GREB1L: variants seen among roughly 807,000 people sequenced by gnomAD.
GREB1L encodes the protein GREB1 like retinoic acid receptor coactivator, also known as GREB1-like protein.
GREB1L carries 17 observed loss-of-function variants against 200.8 expected under a neutral mutation model. The observed-to-expected ratio is 0.08, with a 90% CI of 0.06 to 0.13. The LOEUF (loss-of-function observed/expected upper bound fraction) is 0.13. Among genes scored for constraint, GREB1L ranks in the 10% least tolerant of loss-of-function variants. GREB1L has a pLI of 1.00. For synonymous variants in GREB1L, 789 were observed against 893.0 expected (o/e 0.88, Z 2.08); for missense variants, 1,657 against 2,367.7 (o/e 0.70, Z 6.23).
At chr18:21,286,304 G>T (rs1329715085) in intron 1 of GREB1L, among the ~76,000 whole-genome samples, 1 of 152,138 alleles carries the variant, frequency 6.6e-6, no homozygotes, top group East Asian at 1.9e-4. Flanking sequence ...GGGGTAACAG[G>T]AGATGATTAT....
intron 27 of GREB1L, among the ~76,000 whole-genome samples, chr18:21,510,549 C>G (rs1342438868): frequency 6.6e-6 from 1 of 152,180 alleles, no homozygotes; most frequent in African/African-American, 2.4e-5. Context: ...GAATAATATT[C>G]CATTTTATGT....
At chr18:21,450,811 C>A in intron 12 of GREB1L, 1 of 463,636 alleles carries the variant, frequency 2.2e-6, no homozygotes, top group Non-Finnish European at 3.8e-6. Context: ...CCCTGATCAT[C>A]TGTATTATAA....
intron 23 of GREB1L, among the ~76,000 whole-genome samples, chr18:21,502,405 T>C (rs2036836073): frequency 6.6e-6 from 1 of 152,132 alleles, no homozygotes; most frequent in Admixed American, 6.5e-5. Flanking sequence ...GAGTCTGGAA[T>C]AGGGAAAGCC....
intron 6 of GREB1L, among the ~76,000 whole-genome samples, chr18:21,401,656 A>G (rs984775472): frequency 1.3e-5 from 2 of 151,934 alleles, no homozygotes; most frequent in African/African-American, 4.8e-5. Flanking sequence ...TGCCGTTTTT[A>G]CTCTATTTAA....
intron 7 of GREB1L, among the ~76,000 whole-genome samples, chr18:21,415,917 C>A (rs1251639447): frequency 1.3e-5 from 2 of 152,022 alleles, no homozygotes; most frequent in Non-Finnish European, 2.9e-5. Context: ...CACTCAGCAC[C>A]CAACTAGATA....
chr18:21,524,938 A>G lies in GREB1L; in HGVS notation c.*2117A>G, dbSNP rs1421463668. The G allele has an allele frequency of 6.6e-6, 1 of 151,698 alleles. No individual in the cohort carries two copies. Among genetic ancestry groups the G allele is most frequent in the Admixed American group, 6.6e-5 (1 of 15,216 alleles). 9.4% of individuals were successfully genotyped at this position (151,698 alleles called of 1,614,324 possible). A position where few individuals can be genotyped will look rare whatever the true frequency, so the allele number is the denominator to read the frequency against. ...GATCTTTTAAAATCATCTTATCATC[A>G]GTATAATTCTTGAGTATGTTAGGTC... On this transcript the variant is annotated 3_prime_UTR_variant, in exon 33 of 33. Transcript: ENST00000424526.
rs2037673595 is a variant in GREB1L, at chr18:21,525,660, G to GTGT, written c.*2841_*2843dup. Among the ~76,000 whole-genome samples, 5 of 152,160 alleles carry GTGT rather than the reference G, an allele frequency of 3.3e-5. No individual in the cohort carries two copies. Among genetic ancestry groups the GTGT allele is most frequent in the Admixed American group, 2.6e-4 (4 of 15,278 alleles). ...TTTGGGTTGCTAAAACTAATACAAGGTGTTTGTTATTGTTAATCTCCAGTT... is the reference window on the plus strand; with the variant it reads ...TTTGGGTTGCTAAAACTAATACAAGGTGTTGTTTGTTATTGTTAATCTCCAGTT... On this transcript the variant is annotated 3_prime_UTR_variant, in exon 33 of 33. Transcript: ENST00000424526.
chr18:21,253,583 G>A (rs1387716706), intron 1 of GREB1L, among the ~76,000 whole-genome samples: 2 of 151,972 alleles, frequency 1.3e-5, no homozygotes, highest in Admixed American at 6.6e-5. Context: ...TTCAAAAACC[G>A]AATATACCAC....
At chr18:21,386,713 G>A (rs2040557464) in intron 4 of GREB1L, among the ~76,000 whole-genome samples, 1 of 147,884 alleles carries the variant, frequency 6.8e-6, no homozygotes, top group Non-Finnish European at 1.5e-5. Flanking sequence ...CACCGTGTTA[G>A]CCAGGATGGT....
chr18:21,358,188 A>AT (rs928287387), intron 1 of GREB1L, among the ~76,000 whole-genome samples: 10 of 150,800 alleles, frequency 6.6e-5, no homozygotes, highest in East Asian at 3.9e-4. Context: ...GTATTCCTAA[A>AT]TTTTTTTTTT....
intron 15 of GREB1L, among the ~76,000 whole-genome samples, chr18:21,456,927 C>A (rs1467263512): frequency 6.6e-6 from 1 of 151,970 alleles, no homozygotes; most frequent in Non-Finnish European, 1.5e-5. Flanking sequence ...GAGGAAGGGC[C>A]TTGTCTTTTA....
intron 21 of GREB1L, among the ~76,000 whole-genome samples, chr18:21,497,394 G>C (rs1252365322): frequency 6.6e-6 from 1 of 152,210 alleles, no homozygotes; most frequent in Non-Finnish European, 1.5e-5. Flanking sequence ...TGTAATCCTA[G>C]CACTTTGGGA....
At chr18:21,261,605 C>T (rs1399408283) in intron 1 of GREB1L, among the ~76,000 whole-genome samples, 1 of 151,960 alleles carries the variant, frequency 6.6e-6, no homozygotes, top group Non-Finnish European at 1.5e-5. Context: ...AGAAAACCTC[C>T]TTGATCTACC....
At chr18:21,322,235 G>A (rs1258439392) in intron 1 of GREB1L, among the ~76,000 whole-genome samples, 1 of 152,012 alleles carries the variant, frequency 6.6e-6, no homozygotes. Flanking sequence ...AGATTAACAA[G>A]TAAAGGAAAA....
At chr18:21,365,357 A>G (rs972416420) in intron 1 of GREB1L, among the ~76,000 whole-genome samples, 2 of 152,150 alleles carry the variant, frequency 1.3e-5, no homozygotes, top group Non-Finnish European at 2.9e-5. Flanking sequence ...TTTTACAACT[A>G]TATTTCCTAT....
intron 1 of GREB1L, among the ~76,000 whole-genome samples, chr18:21,284,124 C>T (rs2144492159): frequency 6.6e-6 from 1 of 152,184 alleles, no homozygotes; most frequent in Middle Eastern, 3.4e-3. Flanking sequence ...GTCACACACC[C>T]CTACTTCATC....
At position 21,474,863 on chromosome 18, in the gene GREB1L, G is replaced by T. The variant is rs1270179676; in HGVS notation, c.2363+1652G>T. 4.6e-5 allele frequency among the ~76,000 whole-genome samples: 7 copies of T among 152,108 alleles called. No individual in the cohort carries two copies. In the East Asian group the frequency reaches 7.7e-4, roughly 17 times the overall value. On this transcript the variant is annotated intron_variant, in intron 16 of 32. Transcript: ENST00000424526. Reference sequence around the variant, plus strand: ...CTTGTTACTTATGCAAATTTCTCCAGCCAGAAACTCCCCCTTATGATACTA... The same window carrying T: ...CTTGTTACTTATGCAAATTTCTCCATCCAGAAACTCCCCCTTATGATACTA...
intron 1 of GREB1L, among the ~76,000 whole-genome samples, chr18:21,312,544 T>G (rs886594116): frequency 8.2e-4 from 124 of 151,318 alleles, no homozygotes; most frequent in East Asian, 9.7e-4. Flanking sequence ...TTTTATTTAT[T>G]TATTTATTTA....
At chr18:21,410,252 G>A (rs570725069) in intron 7 of GREB1L, among the ~76,000 whole-genome samples, 3 of 152,080 alleles carry the variant, frequency 2.0e-5, no homozygotes, top group African/African-American at 7.2e-5. Context: ...GCCACTTTAT[G>A]ATTTTCTTGG....
Sources: gnomAD v4.1 joint callset for allele counts (sites outside exome capture counted in the v4.1 genomes callset) on GRCh38, gnomAD v4.1.1 for gene constraint, MANE v1.5 for transcripts, NCBI Gene and HGNC (gene_info 2026-07-23, HGNC 2026-07-21) for gene names.